TET2: variants seen among roughly 807,000 people sequenced by gnomAD.
TET2 encodes methylcytosine dioxygenase TET2.
In TET2, 299 loss-of-function variants were observed where a neutral mutation model predicts 142.9. The observed-to-expected ratio is 2.09, with a 90% CI of 1.90 to 2.30. The LOEUF is 2.30. Among genes scored for constraint, TET2 ranks in the 30% most tolerant of loss-of-function variants. The pLI is 0.00. For missense variants in TET2, 2,418 were observed against 2,378.0 expected, an observed-to-expected ratio of 1.02 and a Z score of -0.35; for synonymous variants, 819 against 849.0, an observed-to-expected ratio of 0.96 and a Z score of 0.61.
At chr4:105,226,229 C>T (rs1728182684) in intron 2 of TET2, among the ~76,000 whole-genome samples, 1 of 152,026 alleles carries the variant, frequency 6.6e-6, no homozygotes. Flanking sequence ...TAGGCCTAGT[C>T]CCTGTGGGAG....
chr4:105,233,541 AG>A (rs1218304084), intron 2 of TET2, among the ~76,000 whole-genome samples: 1 of 152,294 alleles, frequency 6.6e-6, no homozygotes, highest in East Asian at 1.9e-4. Flanking sequence ...GAAGTGCTAG[AG>A]AAAATAAAGG....
chr4:105,273,334 A>G (rs1298280253), intron 10 of TET2, among the ~76,000 whole-genome samples: 1 of 152,256 alleles, frequency 6.6e-6, no homozygotes, highest in African/African-American at 2.4e-5. Flanking sequence ...CATGGAAAAC[A>G]TGGAAAAGTC....
Position 105,234,287 on chromosome 4 carries a change from C to A in TET2, c.345C>A (p.Asp115Glu), listed in dbSNP as rs202073869. 6.2e-7 allele frequency: 1 copy of A among 1,614,000 alleles called. No homozygotes were observed. Among genetic ancestry groups the A allele is most frequent in the Admixed American group, 1.7e-5 (1 of 59,986 alleles). ...GLLQIKKLKQ[D>E]QKANGERRNF... is the part of the protein sequence containing the mutation. ...TTCAGATCAAGAAATTGAAACAAGA[C>A]CAAAAGGCTAATGGAGAAAGACGTA... is the stretch of plus-strand genomic sequence containing the variant. The change falls in exon 3 of 11, where the codon GAC (aspartate) becomes GAA (glutamate). Residue 115 changes from aspartate (D) to glutamate (E), a missense_variant. Transcript: ENST00000380013.
At chr4:105,249,534 A>G (rs1237055379) in intron 6 of TET2, among the ~76,000 whole-genome samples, 2 of 152,172 alleles carry the variant, frequency 1.3e-5, no homozygotes, top group Non-Finnish European at 2.9e-5. Flanking sequence ...CTGTTTTCCA[A>G]AGTAGCTTTA....
Position 105,251,309 on chromosome 4 carries a change from T to C in TET2, c.3803+7531T>C, listed in dbSNP as rs536801819. Among the ~76,000 whole-genome samples, 6 of 152,318 alleles carry C rather than the reference T, an allele frequency of 3.9e-5. No homozygotes were observed. The Middle Eastern group carries it at 0.01, about 259-fold the overall frequency. ...AACAACTGCAAACATCCTTGTCTTA[T>C]TCATTTTAGAAAGAAATTTTTAGTT... On this transcript the variant is annotated intron_variant, in intron 6 of 10. Coordinates refer to ENST00000380013, the MANE Select transcript of TET2 (RefSeq NM_001127208.3).
intron 9 of TET2, among the ~76,000 whole-genome samples, chr4:105,270,836 G>A (rs1232808776): frequency 6.6e-6 from 1 of 152,140 alleles, no homozygotes; most frequent in Non-Finnish European, 1.5e-5. Context: ...GGATGTAGGT[G>A]TAGTTGAAGA....
Position 105,269,633 on chromosome 4 carries a change from A to G in TET2, c.4068A>G (p.Pro1356=), listed in dbSNP as rs1428968250. The change falls in exon 9 of 11, where the codon CCA becomes CCG. Residue 1356 remains proline (P), a synonymous_variant. Transcript: ENST00000380013. ...NNQIEYEHRA[P]ECRLGLKEGR... ...AGATTGAATATGAACACAGAGCACC[A>G]GAGTGCCGTCTGGGTCTGAAGGAAG... 1.9e-6 allele frequency: 3 copies of G among 1,551,540 alleles called. No homozygotes were observed. The highest frequency in any genetic ancestry group is 2.6e-6 in the Non-Finnish European group (3 of 1,146,948).
rs770407994 is a variant in TET2 at position 105,235,234 on chromosome 4, TAGA to T, written c.1297_1299del (p.Glu433del). The T allele has an allele frequency of 6.7e-5, 108 of 1,613,988 alleles. 1 individual carries two copies. The South Asian group carries it at 1.0e-3, about 15-fold the overall frequency. On this transcript the variant is annotated inframe_deletion, in exon 3 of 11. Transcript: ENST00000380013. ...AAAAGCACTCTGAATGGTGGAGTTT[TAGA>T]AGAACACCACCACTACCCCAACCAA...
intron 2 of TET2, among the ~76,000 whole-genome samples, chr4:105,223,479 T>G (rs1254289068): frequency 1.3e-5 from 2 of 152,126 alleles, no homozygotes; most frequent in Non-Finnish European, 2.9e-5. Context: ...ATACCAATAT[T>G]ACATAGTAAT....
At position 105,278,169 on chromosome 4, in the gene TET2, T is replaced by TAA; in HGVS notation, c.*1651_*1652insAA. On this transcript the variant is annotated 3_prime_UTR_variant, in exon 11 of 11. Transcript: ENST00000380013. Reference sequence around the variant, plus strand: ...TAGTACTGTAAAAAAATTAAATATATACATATATATATATATATATATATA... The same window carrying TAA: ...TAGTACTGTAAAAAAATTAAATATATAAACATATATATATATATATATATATA... 1 of 118,720 alleles carries TAA rather than the reference T, an allele frequency of 8.4e-6. No homozygotes were observed. Among genetic ancestry groups the TAA allele is most frequent in the Non-Finnish European group, 1.6e-5 (1 of 62,228 alleles). 7.4% of individuals were successfully genotyped at this position (118,720 alleles called of 1,614,324 possible). A position where few individuals can be genotyped will look rare whatever the true frequency, so the allele number is the denominator to read the frequency against.
At chr4:105,206,621 T>G (rs1726842820) in intron 2 of TET2, among the ~76,000 whole-genome samples, 1 of 152,208 alleles carries the variant, frequency 6.6e-6, no homozygotes, top group Non-Finnish European at 1.5e-5. Context: ...AGTGATGACT[T>G]TTAATGTGGA....
intron 2 of TET2, among the ~76,000 whole-genome samples, chr4:105,209,870 A>C (rs544911011): frequency 6.6e-6 from 1 of 152,270 alleles, no homozygotes; most frequent in South Asian, 2.1e-4. Context: ...AGAGACAAGA[A>C]GTTCATTCAA....
At chr4:105,198,102 C>T (rs1339614114) in intron 2 of TET2, among the ~76,000 whole-genome samples, 35 of 151,988 alleles carry the variant, frequency 2.3e-4, no homozygotes, top group Non-Finnish European at 3.8e-4. Context: ...TTTGGGAGGC[C>T]GAGGCGGGTG....
chr4:105,158,294 G>A (rs375803237), intron 1 of TET2, among the ~76,000 whole-genome samples: 29 of 152,098 alleles, frequency 1.9e-4, no homozygotes, highest in East Asian at 7.7e-4. Context: ...AATCCTCGGG[G>A]TTTTTGGGAA....
chr4:105,269,478 CATTTT>C, intron 8 of TET2, 127 bp from the exon 9 acceptor site: 5 of 935,250 alleles, frequency 5.3e-6, no homozygotes, highest in Non-Finnish European at 7.9e-6. Context: ...TGTGTCATTC[CATTTT>C]GTTTCTGGAT....
intron 2 of TET2, 101 bp from the exon 3 acceptor site, chr4:105,233,796 T>G: frequency 1.5e-6 from 1 of 647,430 alleles, no homozygotes; most frequent in Admixed American, 3.5e-5. Context: ...ATTCCGATAT[T>G]TATCCACAAT....
At chr4:105,166,655 G>A (rs765907637) in intron 1 of TET2, among the ~76,000 whole-genome samples, 15 of 151,204 alleles carry the variant, frequency 9.9e-5, no homozygotes, top group Non-Finnish European at 1.9e-4. Flanking sequence ...ATATTGTGCT[G>A]AGTCTTTACA....
intron 1 of TET2, among the ~76,000 whole-genome samples, chr4:105,152,621 G>T (rs1190328436): frequency 1.8e-5 from 2 of 110,468 alleles, no homozygotes; most frequent in Non-Finnish European, 3.5e-5. Flanking sequence ...TTTTTGAGAC[G>T]GTATCTTGCT....
At chr4:105,214,793 C>T (rs931190981) in intron 2 of TET2, among the ~76,000 whole-genome samples, 4 of 152,026 alleles carry the variant, frequency 2.6e-5, no homozygotes, top group Non-Finnish European at 5.9e-5. Flanking sequence ...TTAGAAGCTC[C>T]GTGCACTTTC....
Sources: allele counts gnomAD v4.1 joint callset (sites outside exome capture counted in the v4.1 genomes callset), GRCh38; gene constraint gnomAD v4.1.1; transcripts MANE v1.5; gene names NCBI Gene and HGNC (gene_info 2026-07-23, HGNC 2026-07-21).